Variants in CCDC171 observed in about 807,000 individuals in gnomAD.
CCDC171 encodes the protein coiled-coil domain containing 171.
A neutral mutation model predicts 168.2 loss-of-function variants in CCDC171; 177 were observed. The observed-to-expected ratio is 1.05, with a 90% CI of 0.93 to 1.19. CCDC171 has a LOEUF of 1.19. Ranked by LOEUF, CCDC171 falls within the 50% of genes most tolerant of loss-of-function variation. The pLI is 0.00. For synonymous variants in CCDC171, 687 were observed against 540.8 expected, an observed-to-expected ratio of 1.27 and a Z score of -3.75; for missense variants, 1,991 against 1,539.0, an observed-to-expected ratio of 1.29 and a Z score of -4.91.
At chr9:16,041,421 G>A (rs565482708), upstream of CCDC171, among the ~76,000 whole-genome samples, 1 of 152,356 alleles carries the variant, frequency 6.6e-6, no homozygotes, top group African/African-American at 2.4e-5. Flanking sequence ...GGAAGTTTAG[G>A]TGGGAAAGAT....
intron 25 of CCDC171, among the ~76,000 whole-genome samples, chr9:15,948,071 T>C (rs575500567): frequency 8.0e-5 from 12 of 150,670 alleles, no homozygotes; most frequent in East Asian, 2.0e-4. Context: ...TGAGAATATG[T>C]GGTGTTTGGT....
At chr9:15,696,210 T>G (rs553174130) in intron 11 of CCDC171, among the ~76,000 whole-genome samples, 1 of 152,306 alleles carries the variant, frequency 6.6e-6, no homozygotes, top group African/African-American at 2.4e-5. Flanking sequence ...AAATAAGTTC[T>G]TTAGAGAGCT....
chr9:15,556,189 G>T (rs746341782), intron 1 of CCDC171, among the ~76,000 whole-genome samples: 2 of 152,040 alleles, frequency 1.3e-5, no homozygotes, highest in East Asian at 1.9e-4. Context: ...AGTTTCTGCC[G>T]AGAGGTCCGC....
intron 10 of CCDC171, among the ~76,000 whole-genome samples, chr9:15,683,478 A>T (rs1026759176): frequency 3.3e-5 from 5 of 152,062 alleles, no homozygotes; most frequent in Admixed American, 2.0e-4. Context: ...CTAAAAAAAG[A>T]TTGATTCTTG....
At chr9:15,707,357 A>T (rs545799161) in intron 11 of CCDC171, among the ~76,000 whole-genome samples, 1 of 152,342 alleles carries the variant, frequency 6.6e-6, no homozygotes, top group African/African-American at 2.4e-5. Context: ...AAATGTCAGA[A>T]TATTTTGTTT....
chr9:15,677,032 G>A (rs550202545), intron 9 of CCDC171, among the ~76,000 whole-genome samples: 25 of 152,274 alleles, frequency 1.6e-4, no homozygotes, highest in African/African-American at 5.1e-4. Flanking sequence ...ATTTCATGAT[G>A]ATGGGCCTCA....
intron 18 of CCDC171, among the ~76,000 whole-genome samples, chr9:15,754,612 G>C (rs2134936525): frequency 6.6e-6 from 1 of 152,190 alleles, no homozygotes; most frequent in East Asian, 1.9e-4. Flanking sequence ...CTACAGGGGA[G>C]GCAATACTTT....
chr9:15,916,240 T>C (rs936908070), intron 24 of CCDC171, among the ~76,000 whole-genome samples: 23 of 151,956 alleles, frequency 1.5e-4, no homozygotes, highest in African/African-American at 5.3e-4. Context: ...ACAGGTAACA[T>C]TTACCTGAGC....
intron 24 of CCDC171, among the ~76,000 whole-genome samples, chr9:15,889,774 C>G (rs907052036): frequency 1.3e-5 from 2 of 152,184 alleles, no homozygotes; most frequent in East Asian, 3.8e-4. Flanking sequence ...TGTGTTCTCA[C>G]TGGTAAAGGA....
In CCDC171 at chr9:15,591,361, A is replaced by C. The variant is rs2041995715; in HGVS notation, c.353-5A>C. On this transcript the variant is annotated splice_region_variant and splice_polypyrimidine_tract_variant and intron_variant, in intron 4 of 25. Transcript: ENST00000380701. ...TAAATGTACCTATTATTCTATTCTT[A>C]ATAGCACAGAATTCAGAACTTCAAG... 1 of 1,559,260 alleles carries C rather than the reference A, an allele frequency of 6.4e-7. No homozygotes were observed. The highest frequency in any genetic ancestry group is 1.4e-5 in the African/African-American group (1 of 72,896).
In CCDC171 at chr9:15,896,345, T is replaced by C. The variant is rs1429706748; in HGVS notation, c.3600+21682T>C. Reference sequence around the variant, plus strand: ...AAAAAAGTCTGCTGCAAAAGTGTTCTGCAACTCTGCTGAATATGGTTTCCC... The same window carrying C: ...AAAAAAGTCTGCTGCAAAAGTGTTCCGCAACTCTGCTGAATATGGTTTCCC... On this transcript the variant is annotated intron_variant, in intron 24 of 25. Transcript: ENST00000380701. 2.0e-5 allele frequency among the ~76,000 whole-genome samples: 3 copies of C among 152,098 alleles called. No individual in the cohort carries two copies. In the East Asian group the frequency reaches 5.8e-4, roughly 29 times the overall value.
chr9:15,804,370 A>G (rs998443375), intron 21 of CCDC171, among the ~76,000 whole-genome samples: 7 of 151,750 alleles, frequency 4.6e-5, no homozygotes, highest in East Asian at 1.9e-4. Context: ...CTGTGTTTTT[A>G]TCATATATGG....
chr9:15,982,042 C>T (rs1004460150), intron 3 of CCDC171, among the ~76,000 whole-genome samples: 1 of 152,126 alleles, frequency 6.6e-6, no homozygotes, highest in Non-Finnish European at 1.5e-5. Context: ...GTAGTTTATT[C>T]CATGAACTGG....
intron 1 of CCDC171, among the ~76,000 whole-genome samples, chr9:16,045,396 G>C (rs1005253777): frequency 1.3e-5 from 2 of 152,192 alleles, no homozygotes; most frequent in Admixed American, 6.5e-5. Flanking sequence ...TCCTTGTTAT[G>C]GGGGCTGTCT....
rs551108813 is a variant in CCDC171, at chr9:15,557,906, C to T, written c.-112+4604C>T. 1.8e-4 allele frequency among the ~76,000 whole-genome samples: 28 copies of T among 152,108 alleles called. No homozygotes were observed. In the South Asian group the frequency reaches 2.3e-3, roughly 12 times the overall value. On this transcript the variant is annotated intron_variant, in intron 1 of 25. Coordinates refer to ENST00000380701, the MANE Select transcript of CCDC171 (RefSeq NM_173550.4). ...AAAGAGCTCTTATTATTTTGAGATA[C>T]GTCCCATCAATACCTAATTTATTGA... is the stretch of plus-strand genomic sequence containing the variant.
chr9:15,774,983 G>C (rs1436922005), intron 18 of CCDC171, among the ~76,000 whole-genome samples: 1 of 152,150 alleles, frequency 6.6e-6, no homozygotes, highest in Non-Finnish European at 1.5e-5. Flanking sequence ...AGGGATAAAA[G>C]ACTACACATT....
chr9:16,027,006 T>A (rs907328139), intron 6 of CCDC171, among the ~76,000 whole-genome samples: 3 of 152,186 alleles, frequency 2.0e-5, no homozygotes, highest in African/African-American at 7.2e-5. Context: ...GGCCTATGCC[T>A]CGGGCTTATG....
chr9:15,956,505 G>A (rs746921514), intron 25 of CCDC171, among the ~76,000 whole-genome samples: 4 of 152,102 alleles, frequency 2.6e-5, no homozygotes, highest in African/African-American at 9.7e-5. Flanking sequence ...CGAAGGCAGC[G>A]TAGTTTATAT....
intron 7 of CCDC171, among the ~76,000 whole-genome samples, chr9:15,624,591 C>T (rs951325910): frequency 2.0e-5 from 3 of 152,106 alleles, no homozygotes; most frequent in African/African-American, 7.2e-5. Context: ...CAATAGTTTG[C>T]TCAGAATGAT....
Sources: allele counts gnomAD v4.1 joint callset (sites outside exome capture counted in the v4.1 genomes callset), GRCh38; gene constraint gnomAD v4.1.1; transcripts MANE v1.5; gene names NCBI Gene and HGNC (gene_info 2026-07-23, HGNC 2026-07-21).